The following SYNPR variants were observed in gnomAD, a reference collection of about 807,000 sequenced individuals.
The protein encoded by SYNPR is synaptoporin.
In SYNPR, 23 loss-of-function variants were observed where a neutral mutation model predicts 32.9. That is an observed-to-expected ratio of 0.70 (90% CI 0.50 to 0.99). SYNPR has a LOEUF of 0.99. SYNPR is among the 50% of genes least tolerant of loss of function. The pLI is 0.00. For synonymous variants in SYNPR, 146 were observed against 135.9 expected (o/e 1.07, Z -0.52); for missense variants, 318 against 349.3 (o/e 0.91, Z 0.71).
intron 2 of SYNPR, among the ~76,000 whole-genome samples, chr3:63,408,020 T>C (rs2088384719): frequency 6.6e-6 from 1 of 151,668 alleles, no homozygotes; most frequent in African/African-American, 2.4e-5. Context: ...CATGGTTCCT[T>C]AATATGGTGA....
At chr3:63,365,004 T>C (rs768704555) in intron 2 of SYNPR, among the ~76,000 whole-genome samples, 5 of 152,128 alleles carry the variant, frequency 3.3e-5, no homozygotes, top group Non-Finnish European at 7.4e-5. Context: ...AATGAAAAGG[T>C]TGACTTTGGA....
In SYNPR at chr3:63,414,317, C is replaced by T. The variant is rs116116712; in HGVS notation, c.85-66515C>T. On this transcript the variant is annotated intron_variant, in intron 2 of 5. Transcript: ENST00000478300. ...AAATATCTTTTGAAAAAACCTCACACACAATAGGGGCACATCTGATGGATT... is the reference window on the plus strand; with the variant it reads ...AAATATCTTTTGAAAAAACCTCACATACAATAGGGGCACATCTGATGGATT... 6.8e-3 allele frequency among the ~76,000 whole-genome samples: 1,032 copies of T among 152,152 alleles called. 12 individuals are homozygous for T. The highest frequency in any genetic ancestry group is 0.024 in the African/African-American group (988 of 41,502).
At position 63,480,865 on chromosome 3, in the gene SYNPR, G is replaced by A; in HGVS notation, c.118G>A (p.Gly40Ser). The change falls in exon 3 of 6, where the codon GGC becomes AGC. Residue 40 changes from glycine (G) to serine (S), a missense_variant. Transcript: ENST00000478300. ...AATCTTTGCATTTGCAACATGCGGTGGCTATTCTGGAGGCCTGCGGCTGAG... is the reference window on the plus strand; with the variant it reads ...AATCTTTGCATTTGCAACATGCGGTAGCTATTCTGGAGGCCTGCGGCTGAG... ...FAIFAFATCG[G>S]YSGGLRLSVD... 1 of 1,613,540 alleles carries A rather than the reference G, an allele frequency of 6.2e-7. No homozygotes were observed. Among genetic ancestry groups the A allele is most frequent in the Non-Finnish European group, 8.5e-7 (1 of 1,179,586 alleles).
chr3:63,527,976 A>T (rs374676319), intron 3 of SYNPR, among the ~76,000 whole-genome samples: 1 of 152,326 alleles, frequency 6.6e-6, no homozygotes, highest in East Asian at 1.9e-4. Flanking sequence ...ATTATATTAA[A>T]TAATGCATAG....
At chr3:63,494,406 T>TATATACACAA in intron 3 of SYNPR, among the ~76,000 whole-genome samples, 1 of 118,676 alleles carries the variant, frequency 8.4e-6, no homozygotes, top group South Asian at 2.6e-4. Flanking sequence ...TATATATATA[T>TATATACACAA]ATATATATAT....
the SYNPR span, among the ~76,000 whole-genome samples, chr3:63,209,172 G>T: frequency 6.6e-6 from 1 of 152,038 alleles, no homozygotes; most frequent in Admixed American, 6.5e-5. Context: ...CAAAAAACTA[G>T]CCGGGCGAGG....
intron 2 of SYNPR, among the ~76,000 whole-genome samples, chr3:63,469,364 C>G (rs771522391): frequency 3.3e-5 from 5 of 152,034 alleles, no homozygotes; most frequent in African/African-American, 1.2e-4. Flanking sequence ...GCTCATCATG[C>G]TCTAATTTTT....
chr3:63,425,940 G>A (rs988560597), intron 2 of SYNPR, among the ~76,000 whole-genome samples: 9 of 151,918 alleles, frequency 5.9e-5, no homozygotes, highest in Middle Eastern at 3.4e-3. Flanking sequence ...GCGCCACCAC[G>A]CCCAGCTAAT....
At chr3:63,397,099 G>A (rs184033663) in intron 2 of SYNPR, among the ~76,000 whole-genome samples, 125 of 82,654 alleles carry the variant, frequency 1.5e-3, no homozygotes, top group African/African-American at 7.7e-3. Context: ...GCGAGACTCC[G>A]TCTCAAAAAA....
At chr3:63,611,461 T>A (rs1216230418) in intron 5 of SYNPR, among the ~76,000 whole-genome samples, 2 of 152,164 alleles carry the variant, frequency 1.3e-5, no homozygotes, top group Non-Finnish European at 2.9e-5. Flanking sequence ...TTACAAATTG[T>A]TTGGCTTCAA....
Position 63,384,597 on chromosome 3 carries a change from C to A in SYNPR, c.85-96235C>A, listed in dbSNP as rs529853341. ...ATGTGCTGACTAAGATAAACCAGTTCATGATAGTTAAAAGACCATTCATTG... is the reference window on the plus strand; with the variant it reads ...ATGTGCTGACTAAGATAAACCAGTTAATGATAGTTAAAAGACCATTCATTG... On this transcript the variant is annotated intron_variant, in intron 2 of 5. Coordinates refer to ENST00000478300, the MANE Select transcript of SYNPR (RefSeq NM_001130003.2). 2.0e-5 allele frequency among the ~76,000 whole-genome samples: 3 copies of A among 152,294 alleles called. No homozygotes were observed. In the East Asian group the frequency reaches 5.8e-4, roughly 29 times the overall value.
intron 2 of SYNPR, among the ~76,000 whole-genome samples, chr3:63,373,075 CT>C (rs1205339688): frequency 1.3e-5 from 2 of 152,092 alleles, no homozygotes; most frequent in Non-Finnish European, 2.9e-5. Flanking sequence ...AAGAAGTCTA[CT>C]GGCTACTCAA....
intron 2 of SYNPR, among the ~76,000 whole-genome samples, chr3:63,412,099 T>C (rs749003303): frequency 2.6e-5 from 4 of 152,074 alleles, no homozygotes; most frequent in Non-Finnish European, 5.9e-5. Flanking sequence ...TCAATGGAAC[T>C]TCACAATAAG....
At chr3:63,252,083 A>G (rs1460019216) in intron 1 of SYNPR, among the ~76,000 whole-genome samples, 1 of 152,084 alleles carries the variant, frequency 6.6e-6, no homozygotes, top group African/African-American at 2.4e-5. Context: ...GCAAGTAAAT[A>G]TACTCTGATA....
At position 63,251,970 on chromosome 3, in the gene SYNPR, T is replaced by C. The variant is rs147769531; in HGVS notation, n.67-529T>C. Among the ~76,000 whole-genome samples, 449 of 152,076 alleles carry C rather than the reference T, an allele frequency of 3.0e-3. 4 individuals carry two copies. Among genetic ancestry groups the C allele is most frequent in the African/African-American group, 0.01 (434 of 41,498 alleles). ...AAAGGCAATTAAATGTCTTCCATAC[T>C]TGAGTTAGTGAAATGAGATAGTCTC... is the stretch of plus-strand genomic sequence containing the variant. On this transcript the variant is annotated intron_variant and non_coding_transcript_variant, in intron 1 of 4. Coordinates refer to the SYNPR transcript ENST00000478456.
intron 4 of SYNPR, among the ~76,000 whole-genome samples, chr3:63,580,043 T>C (rs558018189): frequency 2.6e-5 from 4 of 152,272 alleles, no homozygotes; most frequent in East Asian, 1.9e-4. Flanking sequence ...AGGTCTCTAA[T>C]AGCTAAGGAG....
At chr3:63,310,142 G>A (rs577240610) in intron 2 of SYNPR, among the ~76,000 whole-genome samples, 1 of 151,882 alleles carries the variant, frequency 6.6e-6, no homozygotes, top group East Asian at 2.0e-4. Context: ...CAACTGCCTC[G>A]TATACTCTTC....
chr3:63,262,296 A>G (rs1172234979), intron 2 of SYNPR, among the ~76,000 whole-genome samples: 1 of 152,200 alleles, frequency 6.6e-6, no homozygotes, highest in Non-Finnish European at 1.5e-5. Context: ...CATGCTGGCC[A>G]CAGCTTGCCA....
chr3:63,333,471 C>T (rs2087251749), intron 2 of SYNPR, among the ~76,000 whole-genome samples: 1 of 152,154 alleles, frequency 6.6e-6, no homozygotes, highest in African/African-American at 2.4e-5. Flanking sequence ...GGCTGGAGTG[C>T]AGTGAAGTGA....
Sources: allele counts gnomAD v4.1 joint callset (sites outside exome capture counted in the v4.1 genomes callset), GRCh38; gene constraint gnomAD v4.1.1; transcripts MANE v1.5; gene names NCBI Gene and HGNC (gene_info 2026-07-23, HGNC 2026-07-21).